KIF16B: variants seen among roughly 807,000 people sequenced by gnomAD.
KIF16B encodes kinesin-like protein KIF16B.
Under a neutral mutation model 156.3 loss-of-function variants are expected in KIF16B, and 98 were observed. The ratio of observed to expected loss-of-function variants is 0.63; its 90% CI spans 0.53 to 0.74. KIF16B has a LOEUF of 0.74. Ranked by LOEUF, KIF16B falls within the 30% of genes least tolerant of loss-of-function variation. The pLI is 0.00. For missense variants in KIF16B, 1,421 were observed against 1,606.5 expected (o/e 0.88, Z 1.97); for synonymous variants, 564 against 583.7 (o/e 0.97, Z 0.49).
chr20:16,312,784 T>G (rs1226391301), intron 24 of KIF16B, among the ~76,000 whole-genome samples: 1 of 151,996 alleles, frequency 6.6e-6, no homozygotes, highest in Non-Finnish European at 1.5e-5. Flanking sequence ...CCTTTTTTTT[T>G]TTTTACTAGA....
intron 20 of KIF16B, among the ~76,000 whole-genome samples, chr20:16,373,748 C>T (rs2064877625): frequency 6.6e-6 from 1 of 152,142 alleles, no homozygotes; most frequent in African/African-American, 2.4e-5. Flanking sequence ...TTCATTCCGC[C>T]CTCTCACTCA....
chr20:16,418,434 C>A (rs1286153546), intron 15 of KIF16B, among the ~76,000 whole-genome samples: 1 of 152,108 alleles, frequency 6.6e-6, no homozygotes, highest in Non-Finnish European at 1.5e-5. Context: ...ATACTCCCTC[C>A]TTTGCTAACT....
At chr20:16,277,026 C>T (rs2063072142) in intron 25 of KIF16B, among the ~76,000 whole-genome samples, 1 of 152,202 alleles carries the variant, frequency 6.6e-6, no homozygotes, top group Non-Finnish European at 1.5e-5. Context: ...TCCTCCGGTA[C>T]AAACCTTCCC....
intron 22 of KIF16B, chr20:16,367,625 T>A: frequency 1.2e-6 from 2 of 1,612,738 alleles, no homozygotes; most frequent in East Asian, 2.2e-5. Context: ...ACTTCCATAT[T>A]TCCATGAAGA....
chr20:16,436,932 T>C (rs1236388532), intron 12 of KIF16B, among the ~76,000 whole-genome samples: 1 of 152,184 alleles, frequency 6.6e-6, no homozygotes, highest in Non-Finnish European at 1.5e-5. Flanking sequence ...CATCCCTTGA[T>C]ATCCATGGAG....
chr20:16,543,108 T>A (rs1387585217), intron 1 of KIF16B, among the ~76,000 whole-genome samples: 1 of 152,090 alleles, frequency 6.6e-6, no homozygotes, highest in Non-Finnish European at 1.5e-5. Flanking sequence ...TTTAACCACC[T>A]AGGAGGTTCT....
intron 2 of KIF16B, among the ~76,000 whole-genome samples, chr20:16,527,773 G>A (rs1048075295): frequency 7.2e-5 from 11 of 151,860 alleles, no homozygotes; most frequent in African/African-American, 1.9e-4. Context: ...TTATACCCCC[G>A]TTACCCTCCT....
At chr20:16,485,220 T>G (rs2068082516) in intron 12 of KIF16B, among the ~76,000 whole-genome samples, 2 of 152,172 alleles carry the variant, frequency 1.3e-5, no homozygotes, top group Admixed American at 1.3e-4. Flanking sequence ...TGAGTCCATC[T>G]TGGACCATTC....
chr20:16,531,430 C>T (rs1421136589), intron 1 of KIF16B, among the ~76,000 whole-genome samples: 1 of 152,132 alleles, frequency 6.6e-6, no homozygotes, highest in African/African-American at 2.4e-5. Flanking sequence ...GAATTAATGG[C>T]TCTAGGGAGG....
chr20:16,561,531 C>CCA (rs1208696226), intron 1 of KIF16B, among the ~76,000 whole-genome samples: 1 of 151,096 alleles, frequency 6.6e-6, no homozygotes, highest in Non-Finnish European at 1.5e-5. Flanking sequence ...AGGTGTGTTG[C>CCA]CATGAGGGGA....
At chr20:16,554,182 G>T (rs1385537249) in intron 1 of KIF16B, among the ~76,000 whole-genome samples, 6 of 152,192 alleles carry the variant, frequency 3.9e-5, no homozygotes, top group Non-Finnish European at 8.8e-5. Flanking sequence ...TGCCAATCCT[G>T]CAGAGTGGAG....
chr20:16,512,260 C>T (rs1188618597), intron 5 of KIF16B, among the ~76,000 whole-genome samples: 1 of 152,138 alleles, frequency 6.6e-6, no homozygotes, highest in African/African-American at 2.4e-5. Context: ...CCACTACTAT[C>T]CTCATTTTAT....
At chr20:16,366,828 A>C in intron 22 of KIF16B, 1 of 1,063,362 alleles carries the variant, frequency 9.4e-7, no homozygotes, top group Non-Finnish European at 1.1e-6. Context: ...CACACTATAA[A>C]TCGACACGAA....
chr20:16,450,044 G>A (rs1483114182), intron 12 of KIF16B, among the ~76,000 whole-genome samples: 2 of 152,122 alleles, frequency 1.3e-5, no homozygotes, highest in Non-Finnish European at 2.9e-5. Context: ...ATATACTATG[G>A]ACAGGCTGGG....
intron 22 of KIF16B, among the ~76,000 whole-genome samples, chr20:16,363,762 G>T (rs2144889): frequency 6.6e-6 from 1 of 152,050 alleles, no homozygotes; most frequent in African/African-American, 2.4e-5. Context: ...GACCTGCAGC[G>T]TACAGCACAG....
intron 1 of KIF16B, among the ~76,000 whole-genome samples, chr20:16,555,029 C>T (rs1391922719): frequency 6.6e-6 from 1 of 152,244 alleles, no homozygotes; most frequent in African/African-American, 2.4e-5. Flanking sequence ...ACAAGCTGAG[C>T]ACAGCCTGCC....
intron 2 of KIF16B, among the ~76,000 whole-genome samples, chr20:16,527,199 G>T (rs556985054): frequency 6.6e-6 from 1 of 152,370 alleles, no homozygotes; most frequent in East Asian, 1.9e-4. Context: ...GTGCAGGCCA[G>T]ATAGAGCTGG....
At chr20:16,405,343 C>T (rs2065756016) in intron 16 of KIF16B, among the ~76,000 whole-genome samples, 1 of 152,098 alleles carries the variant, frequency 6.6e-6, no homozygotes, top group Non-Finnish European at 1.5e-5. Context: ...ATTTTGCTTC[C>T]AAGGGAAGCT....
Position 16,374,394 on chromosome 20 carries a change from G to C in KIF16B, c.3213C>G (p.Ile1071Met). 6.3e-7 allele frequency: 1 copy of C among 1,584,312 alleles called. No individual in the cohort carries two copies. Among genetic ancestry groups the C allele is most frequent in the Non-Finnish European group, 8.6e-7 (1 of 1,162,618 alleles). The change falls in exon 20 of 26, where the codon ATC becomes ATG. Residue 1071 changes from isoleucine (I) to methionine (M), a missense_variant. Physicochemically the swap from Ile to Met is conservative, Grantham distance 10. Coordinates refer to ENST00000354981, the MANE Select transcript of KIF16B (RefSeq NM_024704.5). ...CATAAATCTTCTGTTTCAGCTGCTG[G>C]ATTTCATATTCTAACCTACACAGAT... ...EKDQERLEYE[I>M]QQLKQKIYEV...
Sources: gnomAD v4.1 joint callset for allele counts (sites outside exome capture counted in the v4.1 genomes callset) on GRCh38, gnomAD v4.1.1 for gene constraint, MANE v1.5 for transcripts, NCBI Gene and HGNC (gene_info 2026-07-23, HGNC 2026-07-21) for gene names.